Variants in TNFRSF10A observed in about 807,000 individuals in gnomAD.
The protein encoded by TNFRSF10A is TNF receptor superfamily member 10a.
In TNFRSF10A, 44 loss-of-function variants were observed where a neutral mutation model predicts 42.8. The ratio of observed to expected loss-of-function variants is 1.03; its 90% CI spans 0.81 to 1.32. The LOEUF (loss-of-function observed/expected upper bound fraction) is 1.32, where lower values mean the gene tolerates loss of function less well. Ranked by LOEUF, TNFRSF10A falls within the 40% of genes most tolerant of loss-of-function variation. The pLI, the probability that TNFRSF10A is intolerant of heterozygous loss-of-function variation, is 0.00. For synonymous variants in TNFRSF10A, 259 were observed against 234.2 expected, an observed-to-expected ratio of 1.11 and a Z score of -0.97; for missense variants, 680 against 602.0, an observed-to-expected ratio of 1.13 and a Z score of -1.36.
intron 3 of TNFRSF10A, 64 bp downstream of exon 3, chr8:23,202,584 G>GCTAC: frequency 7.4e-7 from 1 of 1,347,184 alleles, no homozygotes; most frequent in South Asian, 1.2e-5. Context: ...ACTCACATTG[G>GCTAC]CTACCACTCC....
rs1800897557 is a variant in TNFRSF10A at position 23,200,700 on chromosome 8, G to A, written c.690C>T (p.Val230=). 2.0e-6 allele frequency: 3 copies of A among 1,533,146 alleles called. No individual in the cohort carries two copies. Among genetic ancestry groups the A allele is most frequent in the Non-Finnish European group, 8.8e-7 (1 of 1,130,890 alleles). The allele number at this position is 1,533,146 out of a possible 1,614,324, so 95.0% of individuals were successfully genotyped here. A position where few individuals can be genotyped will look rare whatever the true frequency, so the allele number is the denominator to read the frequency against. Residue 230 remains valine, a synonymous_variant, in exon 5 of 10, where the codon GTC becomes GTT. Transcript: ENST00000221132. ...TGGGCTTTGTACCTGATTCTTTGTG[G>A]ACACACTCGATGTCACTCCAGGGCG... The part of the protein sequence containing the change: ...DCTPWSDIEC[V]HKESGNGHNI...
chr8:23,201,330 C>T (rs551560568), intron 4 of TNFRSF10A, among the ~76,000 whole-genome samples: 9 of 152,156 alleles, frequency 5.9e-5, no homozygotes, highest in Non-Finnish European at 1.0e-4. Flanking sequence ...GAGCTCCACC[C>T]ATGGCCTTAT....
Position 23,202,750 on chromosome 8 carries a change from A to G in TNFRSF10A, c.415T>C (p.Ser139Pro), listed in dbSNP as rs1369847961. 6.2e-7 allele frequency: 1 copy of G among 1,610,716 alleles called. No homozygotes were observed. The highest frequency in any genetic ancestry group is 1.1e-5 in the South Asian group (1 of 90,990). ...GELCPPGSHRSEHPGACNRCT... is the reference protein window; with the variant it reads ...GELCPPGSHRPEHPGACNRCT... ...CGGTTACAGGCTCCAGGATGTTCTG[A>G]TCTATGAGATCCTGGGAAGGGAGAG... is the stretch of plus-strand genomic sequence containing the variant. Residue 139 changes from serine (S) to proline (P), a missense_variant, in exon 3 of 10, where the codon TCA becomes CCA. Physicochemically the swap from Ser to Pro is moderately conservative, Grantham distance 74 (BLOSUM62 -1). Transcript: ENST00000221132.
At chr8:23,214,345 G>C (rs1028619306) in intron 1 of TNFRSF10A, among the ~76,000 whole-genome samples, 21 of 151,898 alleles carry the variant, frequency 1.4e-4, no homozygotes, top group Non-Finnish European at 8.8e-5. Context: ...AAAATTAACC[G>C]GGCGTGGTGG....
At chr8:23,219,024 G>A (rs1206853916) in intron 1 of TNFRSF10A, among the ~76,000 whole-genome samples, 1 of 152,148 alleles carries the variant, frequency 6.6e-6, no homozygotes, top group South Asian at 2.1e-4. Context: ...CCATGACCTG[G>A]GGCCTTGCAA....
intron 2 of TNFRSF10A, chr8:23,207,076 C>T (rs1026022429): frequency 1.9e-6 from 1 of 514,108 alleles, no homozygotes; most frequent in Admixed American, 2.3e-5. Flanking sequence ...GATACTGAGA[C>T]TCTGGAGAGC....
intron 2 of TNFRSF10A, among the ~76,000 whole-genome samples, chr8:23,208,431 C>T (rs778245597): frequency 3.3e-5 from 5 of 152,004 alleles, no homozygotes; most frequent in South Asian, 2.1e-4. Flanking sequence ...TTACTTGGTC[C>T]TGGTATATAA....
intron 9 of TNFRSF10A, 43 bp downstream of exon 9, chr8:23,197,089 A>T: frequency 6.2e-7 from 1 of 1,613,310 alleles, no homozygotes; most frequent in Non-Finnish European, 8.5e-7. Context: ...CACCGTCCCT[A>T]TTCCCACCAT....
Position 23,191,675 on chromosome 8 carries a change from C to G in TNFRSF10A, c.*19G>C, listed in dbSNP as rs1270696509. On this transcript the variant is annotated 3_prime_UTR_variant, in exon 10 of 10. Coordinates refer to ENST00000221132, the MANE Select transcript of TNFRSF10A (RefSeq NM_003844.4). Reference sequence around the variant, plus strand: ...TAACTCCTAACACCTAAGAGGAAACCTCTGGTAAAAAGAGTCTTTCACTCC... The same window carrying G: ...TAACTCCTAACACCTAAGAGGAAACGTCTGGTAAAAAGAGTCTTTCACTCC... 1.2e-6 allele frequency: 2 copies of G among 1,602,688 alleles called. No individual in the cohort carries two copies. The highest frequency in any genetic ancestry group is 8.5e-7 in the Non-Finnish European group (1 of 1,175,160).
intron 2 of TNFRSF10A, among the ~76,000 whole-genome samples, chr8:23,205,711 C>CTTTTTTTT (rs35059862): frequency 7.6e-6 from 1 of 130,854 alleles, no homozygotes; most frequent in Non-Finnish European, 1.6e-5. Flanking sequence ...GTCTGTGTTT[C>CTTTTTTTT]TTTTTTTTTT....
At chr8:23,208,002 C>T (rs549426673) in intron 2 of TNFRSF10A, among the ~76,000 whole-genome samples, 2 of 151,364 alleles carry the variant, frequency 1.3e-5, no homozygotes, top group Non-Finnish European at 2.9e-5. Context: ...AACTGCATAA[C>T]AGGCAGAGGT....
At position 23,191,624 on chromosome 8, in the gene TNFRSF10A, A is replaced by T. The variant is rs1397816548; in HGVS notation, c.*70T>A. ...TAAGAATTTACTTTGTATACATGTT[A>T]AAAAAAAAAAAAACCTAATATGTAT... is the stretch of plus-strand genomic sequence containing the variant. On this transcript the variant is annotated 3_prime_UTR_variant, in exon 10 of 10. Transcript: ENST00000221132. 8.8e-6 allele frequency: 5 copies of T among 570,736 alleles called. No individual in the cohort carries two copies. Among genetic ancestry groups the T allele is most frequent in the African/African-American group, 8.0e-5 (3 of 37,554 alleles). 35.4% of individuals were successfully genotyped at this position (570,736 alleles called of 1,614,324 possible).
In TNFRSF10A at chr8:23,203,509, G is replaced by A. The variant is rs188251270; in HGVS notation, c.404-748C>T. ...GAGGTGACAGCCTGCAGGAGCTGTC[G>A]CCAGCGGGAGCCCATGTCTGGAGGC... On this transcript the variant is annotated intron_variant, in intron 2 of 9. Coordinates refer to ENST00000221132, the MANE Select transcript of TNFRSF10A (RefSeq NM_003844.4). Among the ~76,000 whole-genome samples the A allele has an allele frequency of 1.8e-3, 279 of 152,326 alleles. 1 individual carries two copies. Among genetic ancestry groups the A allele is most frequent in the African/African-American group, 6.4e-3 (267 of 41,590 alleles).
At chr8:23,196,578 C>A (rs1681488618) in intron 9 of TNFRSF10A, among the ~76,000 whole-genome samples, 1 of 152,202 alleles carries the variant, frequency 6.6e-6, no homozygotes, top group South Asian at 2.1e-4. Context: ...GAGCTCCCAT[C>A]TCCTTGCCTA....
At chr8:23,195,520 T>G (rs1294806664) in intron 9 of TNFRSF10A, among the ~76,000 whole-genome samples, 1 of 149,908 alleles carries the variant, frequency 6.7e-6, no homozygotes, top group African/African-American at 2.4e-5. Context: ...CAACGTTTTC[T>G]TTTACAATGG....
At chr8:23,203,360 A>G (rs750289551) in intron 2 of TNFRSF10A, among the ~76,000 whole-genome samples, 45 of 152,214 alleles carry the variant, frequency 3.0e-4, no homozygotes, top group Non-Finnish European at 4.7e-4. Context: ...GATACAGCCC[A>G]TGCCACCTGC....
chr8:23,221,341 G>C (rs1801253311), intron 1 of TNFRSF10A, among the ~76,000 whole-genome samples: 1 of 152,234 alleles, frequency 6.6e-6, no homozygotes, highest in African/African-American at 2.4e-5. Context: ...AGCTGAAGAG[G>C]AGCACGGCCA....
rs143906622 is a variant in TNFRSF10A at position 23,216,572 on chromosome 8, T to A, written c.307-4360A>T. Among the ~76,000 whole-genome samples, 1,089 of 152,124 alleles carry A rather than the reference T, an allele frequency of 7.2e-3. 4 individuals are homozygous for A. The highest frequency in any genetic ancestry group is 0.011 in the Non-Finnish European group (776 of 68,004). On this transcript the variant is annotated intron_variant, in intron 1 of 9. Coordinates refer to ENST00000221132, the MANE Select transcript of TNFRSF10A (RefSeq NM_003844.4). ...GCCTGTGCAACATGGTGAAACCCTA[T>A]CTGTACTAAAAATACAAAAATGAGC... is the stretch of plus-strand genomic sequence containing the variant.
intron 2 of TNFRSF10A, among the ~76,000 whole-genome samples, chr8:23,211,878 C>A (rs184269138): frequency 4.9e-4 from 74 of 152,214 alleles, no homozygotes; most frequent in Non-Finnish European, 9.0e-4. Flanking sequence ...GAAAATGCAT[C>A]AAGAGTTAAA....
Sources: gnomAD v4.1 joint callset for allele counts (sites outside exome capture counted in the v4.1 genomes callset) on GRCh38, gnomAD v4.1.1 for gene constraint, MANE v1.5 for transcripts, NCBI Gene and HGNC (gene_info 2026-07-23, HGNC 2026-07-21) for gene names.